CTNNA3: variants seen among roughly 807,000 people sequenced by gnomAD.
The protein encoded by CTNNA3 is catenin alpha 3.
CTNNA3 carries 76 observed loss-of-function variants against 95.7 expected under a neutral mutation model. That is an observed-to-expected ratio of 0.79 (90% confidence interval 0.66 to 0.96). The LOEUF (loss-of-function observed/expected upper bound fraction) is 0.96, where lower values mean the gene tolerates loss of function less well. CTNNA3 is among the 40% of genes least tolerant of loss of function. The pLI, the probability that CTNNA3 is intolerant of heterozygous loss-of-function variation, is 0.00. For missense variants in CTNNA3, 1,191 were observed against 1,089.8 expected (o/e 1.09, Z -1.31); for synonymous variants, 431 against 374.4 (o/e 1.15, Z -1.74).
chr10:66,763,333 C>CAGAGAGAGAG (rs746523452), intron 9 of CTNNA3, among the ~76,000 whole-genome samples: 103 of 104,116 alleles, frequency 9.9e-4, no homozygotes, highest in Middle Eastern at 5.8e-3. Flanking sequence ...CACACACACA[C>CAGAGAGAGAG]ACACACACAG....
chr10:66,549,770 G>C (rs982869251), intron 10 of CTNNA3, among the ~76,000 whole-genome samples: 3 of 152,084 alleles, frequency 2.0e-5, no homozygotes, highest in African/African-American at 7.2e-5. Context: ...TTAATTTATA[G>C]ATATTGGGTG....
chr10:66,071,632 A>G (rs1444134360), intron 14 of CTNNA3, among the ~76,000 whole-genome samples: 1 of 152,144 alleles, frequency 6.6e-6, no homozygotes, highest in Non-Finnish European at 1.5e-5. Flanking sequence ...GTATTTCTCT[A>G]TCGCTGTCTA....
intron 7 of CTNNA3, among the ~76,000 whole-genome samples, chr10:67,157,189 A>T (rs529716619): frequency 6.6e-6 from 1 of 152,284 alleles, no homozygotes; most frequent in Admixed American, 6.5e-5. Context: ...TCTTACATGA[A>T]GGAAATTATA....
intron 7 of CTNNA3, among the ~76,000 whole-genome samples, chr10:67,081,388 T>A (rs1857050696): frequency 1.3e-5 from 2 of 152,200 alleles, no homozygotes. Flanking sequence ...ATTGAGAACT[T>A]ACTATTTCAG....
chr10:67,533,958 G>T (rs1264070540), intron 4 of CTNNA3, among the ~76,000 whole-genome samples: 1 of 151,344 alleles, frequency 6.6e-6, no homozygotes, highest in East Asian at 1.9e-4. Flanking sequence ...TAAGAGTAAG[G>T]CCACTTAAAA....
At chr10:67,299,063 T>C (rs1345750601) in intron 5 of CTNNA3, among the ~76,000 whole-genome samples, 4 of 152,138 alleles carry the variant, frequency 2.6e-5, no homozygotes, top group Non-Finnish European at 5.9e-5. Context: ...CACACCCAGC[T>C]AATTTTTGTA....
At chr10:67,299,873 A>T (rs1388268972) in intron 5 of CTNNA3, among the ~76,000 whole-genome samples, 3 of 152,236 alleles carry the variant, frequency 2.0e-5, no homozygotes, top group African/African-American at 4.8e-5. Context: ...GTTTCTGCCC[A>T]CAAGACTTGA....
At chr10:67,310,761 C>T (rs1457891247) in intron 5 of CTNNA3, among the ~76,000 whole-genome samples, 2 of 152,122 alleles carry the variant, frequency 1.3e-5, no homozygotes, top group African/African-American at 4.8e-5. Flanking sequence ...CGGACTGGCA[C>T]AAGAACAGCA....
intron 17 of CTNNA3, among the ~76,000 whole-genome samples, chr10:65,961,597 C>T (rs1346841255): frequency 1.3e-5 from 2 of 152,020 alleles, no homozygotes; most frequent in East Asian, 1.9e-4. Context: ...CTGTTAGCTG[C>T]CACCCAATAT....
chr10:66,610,813 G>T (rs1397181566), intron 10 of CTNNA3, among the ~76,000 whole-genome samples: 2 of 152,076 alleles, frequency 1.3e-5, no homozygotes, highest in African/African-American at 2.4e-5. Flanking sequence ...ATATGTTAAA[G>T]AGGTATCTGT....
chr10:66,590,129 GTA>G (rs949670597), intron 10 of CTNNA3, among the ~76,000 whole-genome samples: 5 of 152,064 alleles, frequency 3.3e-5, no homozygotes, highest in African/African-American at 1.2e-4. Flanking sequence ...TGTGTTTAAA[GTA>G]TGTTTTACAG....
At chr10:67,492,026 G>C (rs541959125) in intron 5 of CTNNA3, among the ~76,000 whole-genome samples, 8 of 152,210 alleles carry the variant, frequency 5.3e-5, no homozygotes, top group African/African-American at 1.9e-4. Context: ...ATATGGGGTA[G>C]AAATAAAGAT....
At position 67,302,002 on chromosome 10, in the gene CTNNA3, C is replaced by CGAAAGAAAGAAAGAAAGAAAGAAA. The variant is rs1204389443; in HGVS notation, c.580-82156_580-82133dup. On this transcript the variant is annotated intron_variant, in intron 5 of 17. Transcript: ENST00000433211. ...AAGAAAGAAAGAAAGAACGAAAGAA[C>CGAAAGAAAGAAAGAAAGAAAGAAA]GAAAGAAAGAAAGAAAGAAAGAAAG... Among the ~76,000 whole-genome samples, 5 of 55,956 alleles carry CGAAAGAAAGAAAGAAAGAAAGAAA rather than the reference C, an allele frequency of 8.9e-5. 1 individual carries two copies. In the East Asian group the frequency reaches 1.8e-3, roughly 20 times the overall value. 36.7% of individuals were successfully genotyped at this position (55,956 alleles called of 152,430 possible). A position where few individuals can be genotyped will look rare whatever the true frequency, so the allele number is the denominator to read the frequency against.
chr10:66,373,431 C>T (rs2092768848), intron 12 of CTNNA3, among the ~76,000 whole-genome samples: 1 of 152,048 alleles, frequency 6.6e-6, no homozygotes, highest in Non-Finnish European at 1.5e-5. Context: ...TCCCACACTC[C>T]TATGGGAACA....
chr10:66,106,696 C>A (rs76248491), intron 13 of CTNNA3, among the ~76,000 whole-genome samples: 30 of 152,210 alleles, frequency 2.0e-4, no homozygotes, highest in African/African-American at 6.7e-4. Context: ...TCTCCACTAC[C>A]TTATACCTCA....
intron 13 of CTNNA3, among the ~76,000 whole-genome samples, chr10:66,274,693 T>C (rs2091354440): frequency 6.6e-6 from 1 of 152,140 alleles, no homozygotes. Flanking sequence ...CTAATTTACA[T>C]GCAACTTTAA....
intron 2 of CTNNA3, among the ~76,000 whole-genome samples, chr10:67,615,721 G>A (rs768711852): frequency 7.0e-6 from 1 of 142,312 alleles, no homozygotes; most frequent in Non-Finnish European, 1.5e-5. Context: ...AGAGTGCAGT[G>A]GTGCTATCTT....
Position 66,219,466 on chromosome 10 carries a change from A to G in CTNNA3, c.1884+61004T>C, listed in dbSNP as rs1223842785. Among the ~76,000 whole-genome samples, 3 of 152,278 alleles carry G rather than the reference A, an allele frequency of 2.0e-5. No individual in the cohort carries two copies. The East Asian group carries it at 5.8e-4, about 29-fold the overall frequency. On this transcript the variant is annotated intron_variant, in intron 13 of 17. Transcript: ENST00000433211. ...AGTGTGTCACTGCTGAGATTCAGTT[A>G]TAGAAAATTGTGGCTTCCGTTTTGT... is the stretch of plus-strand genomic sequence containing the variant.
At chr10:67,318,934 G>A (rs1841185644) in intron 5 of CTNNA3, among the ~76,000 whole-genome samples, 2 of 152,194 alleles carry the variant, frequency 1.3e-5, no homozygotes, top group African/African-American at 4.8e-5. Flanking sequence ...TCCTTGGCTG[G>A]CATCTAGAAA....
Sources: gnomAD v4.1 joint callset for allele counts (sites outside exome capture counted in the v4.1 genomes callset) on GRCh38, gnomAD v4.1.1 for gene constraint, MANE v1.5 for transcripts, NCBI Gene and HGNC (gene_info 2026-07-23, HGNC 2026-07-21) for gene names.